The following SIMC1 variants were observed in gnomAD, a reference collection of about 807,000 sequenced individuals.
SIMC1 encodes SUMO interacting motifs containing 1.
A neutral mutation model predicts 82.3 loss-of-function variants in SIMC1; 55 were observed. The observed-to-expected ratio is 0.67, with a 90% CI of 0.54 to 0.84. The LOEUF (loss-of-function observed/expected upper bound fraction) is 0.84, where lower values mean the gene tolerates loss of function less well. SIMC1 is among the 40% of genes least tolerant of loss of function. The pLI is 0.00. For missense variants in SIMC1, 915 were observed against 1,107.2 expected (o/e 0.83, Z 2.46); for synonymous variants, 353 against 426.3 (o/e 0.83, Z 2.12).
At chr5:176,307,736 C>T (rs187359438) in intron 4 of SIMC1, among the ~76,000 whole-genome samples, 11 of 152,258 alleles carry the variant, frequency 7.2e-5, no homozygotes, top group Non-Finnish European at 1.6e-4. Context: ...TAAAAGAAAA[C>T]AGACAATAAT....
intron 4 of SIMC1, among the ~76,000 whole-genome samples, chr5:176,312,209 G>A (rs1398868948): frequency 6.6e-6 from 1 of 152,178 alleles, no homozygotes; most frequent in Non-Finnish European, 1.5e-5. Flanking sequence ...GTGGTGGAGA[G>A]TGGAGTCAGT....
In SIMC1 at chr5:176,289,910, C is replaced by T; in HGVS notation, c.386C>T (p.Pro129Leu). 1 of 1,613,906 alleles carries T rather than the reference C, an allele frequency of 6.2e-7. No individual in the cohort carries two copies. The highest frequency in any genetic ancestry group is 8.5e-7 in the Non-Finnish European group (1 of 1,179,850). Residue 129 changes from proline to leucine, a missense_variant, in exon 2 of 10, where the codon CCT (proline) becomes CTT (leucine). Coordinates refer to ENST00000429602, the MANE Select transcript of SIMC1 (RefSeq NM_001308195.2). ...PTARRIINSD[P>L]VDLDLVEENT... ...GCACGGAGAATCATTAACAGTGATCCTGTAGATTTGGACCTAGTGGAAGAA... is the reference window on the plus strand; with the variant it reads ...GCACGGAGAATCATTAACAGTGATCTTGTAGATTTGGACCTAGTGGAAGAA...
At chr5:176,320,403 G>T in intron 5 of SIMC1, among the ~76,000 whole-genome samples, 1 of 151,094 alleles carries the variant, frequency 6.6e-6, no homozygotes, top group Non-Finnish European at 1.5e-5. Flanking sequence ...TCTCACTCTG[G>T]TTGCCCAAGG....
rs1763230780 is a variant in SIMC1, at chr5:176,285,532, TACTG to T, written c.130-4120_130-4117del. Among the ~76,000 whole-genome samples, 3 of 152,266 alleles carry T rather than the reference TACTG, an allele frequency of 2.0e-5. No homozygotes were observed. The South Asian group carries it at 6.2e-4, about 32-fold the overall frequency. ...TATGACAAACCCACAGCCAATATCA[TACTG>T]AATGGGCAAAAACTGGAAGCATTCC... is the stretch of plus-strand genomic sequence containing the variant. On this transcript the variant is annotated intron_variant, in intron 1 of 9. Coordinates refer to ENST00000429602, the MANE Select transcript of SIMC1 (RefSeq NM_001308195.2).
Position 176,311,881 on chromosome 5 carries a change from G to A in SIMC1, c.1735-1810G>A, listed in dbSNP as rs62405172. Among the ~76,000 whole-genome samples the A allele has an allele frequency of 1.5e-3, 232 of 152,290 alleles. 1 individual carries two copies. The highest frequency in any genetic ancestry group is 2.8e-3 in the Non-Finnish European group (190 of 68,026). On this transcript the variant is annotated intron_variant, in intron 4 of 9. Transcript: ENST00000429602. Reference sequence around the variant, plus strand: ...TAGCCTTGACGATGTAAAACGGAAAGTATAGAAGATAAAGTTTGGGAGATG... The same window carrying A: ...TAGCCTTGACGATGTAAAACGGAAAATATAGAAGATAAAGTTTGGGAGATG...
At chr5:176,315,667 G>T (rs1345593196) in intron 5 of SIMC1, among the ~76,000 whole-genome samples, 1 of 152,114 alleles carries the variant, frequency 6.6e-6, no homozygotes, top group African/African-American at 2.4e-5. Flanking sequence ...GGTCAACATG[G>T]GGCAATGACT....
chr5:176,305,954 C>T (rs1274505598), intron 4 of SIMC1, among the ~76,000 whole-genome samples: 31 of 75,538 alleles, frequency 4.1e-4, no homozygotes, highest in Non-Finnish European at 5.7e-4. Flanking sequence ...CCCCTCTGCC[C>T]GGCCAGCCGC....
At chr5:176,295,379 T>A (rs1054654214) in intron 3 of SIMC1, 117 bp downstream of exon 3, 27 of 1,460,224 alleles carry the variant, frequency 1.8e-5, no homozygotes, top group African/African-American at 5.7e-5. Flanking sequence ...CTTAGCATAT[T>A]AGTGTTATTT....
intron 7 of SIMC1, among the ~76,000 whole-genome samples, chr5:176,329,880 T>A (rs1212102099): frequency 2.6e-5 from 4 of 152,180 alleles, no homozygotes; most frequent in African/African-American, 9.7e-5. Flanking sequence ...GGATTGGAAT[T>A]GGAGGTATCA....
At chr5:176,335,803 G>A (rs1765865358) in intron 7 of SIMC1, among the ~76,000 whole-genome samples, 2 of 152,078 alleles carry the variant, frequency 1.3e-5, no homozygotes, top group Admixed American at 6.6e-5. Context: ...AACACTTTGG[G>A]AGGCCAGGGT....
intron 1 of SIMC1, among the ~76,000 whole-genome samples, chr5:176,256,653 A>G (rs1761858929): frequency 6.6e-6 from 1 of 152,242 alleles, no homozygotes; most frequent in South Asian, 2.1e-4. Flanking sequence ...TCCTGGTTAT[A>G]TATGTATTAT....
At chr5:176,309,835 G>C (rs1469303455) in intron 4 of SIMC1, among the ~76,000 whole-genome samples, 1 of 152,024 alleles carries the variant, frequency 6.6e-6, no homozygotes, top group Non-Finnish European at 1.5e-5. Flanking sequence ...CAGCTACTAG[G>C]GAGGCAGGAG....
At chr5:176,246,455 G>C (rs1761450566) in intron 1 of SIMC1, among the ~76,000 whole-genome samples, 1 of 148,034 alleles carries the variant, frequency 6.8e-6, no homozygotes, top group Non-Finnish European at 1.5e-5. Flanking sequence ...TGTGTTGTTT[G>C]TTTGTTTGTC....
At chr5:176,241,701 A>T (rs1160930359) in intron 1 of SIMC1, among the ~76,000 whole-genome samples, 1 of 151,634 alleles carries the variant, frequency 6.6e-6, no homozygotes, top group East Asian at 1.9e-4. Context: ...CAGTAACATA[A>T]GCAGTTAACT....
rs1220171667 is a variant in SIMC1, at chr5:176,295,171, G to A, written c.1573G>A (p.Val525Met). 4 of 1,613,400 alleles carry A rather than the reference G, an allele frequency of 2.5e-6. No individual in the cohort carries two copies. The highest frequency in any genetic ancestry group is 3.4e-6 in the Non-Finnish European group (4 of 1,179,658). The change falls in exon 3 of 10, where the codon GTG becomes ATG. Residue 525 changes from valine (V) to methionine (M), a missense_variant. Physicochemically the swap from Val to Met is conservative, Grantham distance 21. This residue lies in a region of SIMC1 where 902 missense variants were observed against 1,040.3 expected (regional missense o/e 0.87). Transcript: ENST00000429602. ...SPQHYPPREIVAHIIQKILLS... is the reference protein window; with the variant it reads ...SPQHYPPREIMAHIIQKILLS... ...CCAGCATTACCCACCAAGAGAAATC[G>A]TGGCTCACATCATCCAGAAAATCTT... is the stretch of plus-strand genomic sequence containing the variant.
chr5:176,283,725 C>A (rs1295883682), intron 1 of SIMC1, among the ~76,000 whole-genome samples: 2 of 152,146 alleles, frequency 1.3e-5, no homozygotes, highest in Non-Finnish European at 2.9e-5. Context: ...AAGACACAGA[C>A]TGGCAAATTG....
intron 1 of SIMC1, among the ~76,000 whole-genome samples, chr5:176,282,475 T>C (rs1367392369): frequency 1.3e-5 from 2 of 152,226 alleles, no homozygotes; most frequent in Non-Finnish European, 2.9e-5. Flanking sequence ...CCCAGTGAGA[T>C]GAACCCGGTA....
chr5:176,336,595 T>G, intron 7 of SIMC1, 125 bp from the exon 8 acceptor site: 1 of 1,330,884 alleles, frequency 7.5e-7, no homozygotes, highest in Non-Finnish European at 1.0e-6. Context: ...TTCTGTGGGC[T>G]TCCATGGTAT....
At chr5:176,304,785 G>A (rs1010314942) in intron 4 of SIMC1, among the ~76,000 whole-genome samples, 13 of 151,248 alleles carry the variant, frequency 8.6e-5, no homozygotes, top group African/African-American at 1.2e-4. Flanking sequence ...AGTGAGGAGC[G>A]TCTCTGCCCG....
Sources: gnomAD v4.1 joint callset for allele counts (sites outside exome capture counted in the v4.1 genomes callset) on GRCh38, gnomAD v4.1.1 for gene constraint, gnomAD v4.1.1 regional missense constraint, MANE v1.5 for transcripts, NCBI Gene and HGNC (gene_info 2026-07-23, HGNC 2026-07-21) for gene names.